Variants in STX11 observed in about 807,000 individuals in gnomAD.
STX11 encodes the protein syntaxin 11.
Under a neutral mutation model 19.9 loss-of-function variants are expected in STX11, and 21 were observed. The observed-to-expected ratio is 1.06, with a 90% CI of 0.75 to 1.52. The LOEUF is 1.52. Ranked by LOEUF, STX11 falls within the 40% of genes most tolerant of loss-of-function variation. STX11 has a pLI of 0.00. For synonymous variants in STX11, 193 were observed against 174.4 expected (o/e 1.11, Z -0.84); for missense variants, 438 against 405.9 (o/e 1.08, Z -0.68).
At chr6:144,148,429 C>T (rs1800918433), upstream of STX11, among the ~76,000 whole-genome samples, 1 of 152,150 alleles carries the variant, frequency 6.6e-6, no homozygotes, top group South Asian at 2.1e-4. Context: ...TATAACATAC[C>T]TCATCCCTCT....
chr6:144,186,706 G>A lies in STX11; in HGVS notation c.79G>A (p.Asp27Asn), dbSNP rs1429076423. 6.2e-7 allele frequency: 1 copy of A among 1,614,078 alleles called. No individual in the cohort carries two copies. Among genetic ancestry groups the A allele is most frequent in the Non-Finnish European group, 8.5e-7 (1 of 1,180,050 alleles). Residue 27 changes from aspartate to asparagine, a missense_variant, in exon 2 of 2, where the codon GAC becomes AAC. Coordinates refer to ENST00000367568, the MANE Select transcript of STX11 (RefSeq NM_003764.4). ...GTTCCCAGACGGGGACGATGAGTTT[G>A]ACTCGCCCCACGAGGACATCGTGTT... The part of the protein sequence containing the change: ...QQFPDGDDEF[D>N]SPHEDIVFET...
Position 144,152,615 on chromosome 6 carries a change from CTAAT to C in STX11, c.-6+1917_-6+1920del, listed in dbSNP as rs1015305020. Reference sequence around the variant, plus strand: ...GCATGACTTTTAGGAAATGGTGTGACTAATTAATAGGTTGTTTTGTTTTGTTTTG... The same window carrying C: ...GCATGACTTTTAGGAAATGGTGTGACTAATAGGTTGTTTTGTTTTGTTTTG... On this transcript the variant is annotated intron_variant, in intron 1 of 1. Transcript: ENST00000367568. The surrounding 1 kb of genome is among the most constrained non-coding windows in gnomAD (Gnocchi z 4.9). Among the ~76,000 whole-genome samples the C allele has an allele frequency of 2.0e-5, 3 of 152,152 alleles. No homozygotes were observed. The highest frequency in any genetic ancestry group is 2.0e-4 in the Admixed American group (3 of 15,276).
In STX11 at chr6:144,191,618, C is replaced by T. The variant is rs1802209457; in HGVS notation, c.*4127C>T. Among the ~76,000 whole-genome samples the T allele has an allele frequency of 6.6e-6, 1 of 151,974 alleles. No individual in the cohort carries two copies. The highest frequency in any genetic ancestry group is 6.6e-5 in the Admixed American group (1 of 15,262). ...TATTTTACCATCAGACATATTTCTA[C>T]TCCTTTCTTTGAAGTATGCGAAGTA... On this transcript the variant is annotated 3_prime_UTR_variant, in exon 2 of 2. Coordinates refer to ENST00000367568, the MANE Select transcript of STX11 (RefSeq NM_003764.4).
the STX11 span, chr6:144,140,643 G>C: frequency 1.8e-6 from 1 of 553,922 alleles, no homozygotes; most frequent in Non-Finnish European, 2.3e-6. Context: ...TTGCTAGCAG[G>C]CTGTGGTCTG....
In STX11 at chr6:144,159,443, A is replaced by T. The variant is rs944679657; in HGVS notation, c.-6+8740A>T. ...AGTTATATCAAAATAGAAGTTACGG[A>T]TTTGGCTTTGGTTACAAGAGACTAC... On this transcript the variant is annotated intron_variant, in intron 1 of 1. Transcript: ENST00000367568. This position sits in a 1 kb window ranked among gnomAD's most constrained non-coding sequence, Gnocchi z 4.3. Among the ~76,000 whole-genome samples the T allele has an allele frequency of 6.6e-6, 1 of 152,116 alleles. No individual in the cohort carries two copies. The highest frequency in any genetic ancestry group is 1.5e-5 in the Non-Finnish European group (1 of 68,008).
intron 1 of STX11, among the ~76,000 whole-genome samples, chr6:144,157,172 G>A (rs1801192573): frequency 6.6e-6 from 1 of 152,224 alleles, no homozygotes; most frequent in South Asian, 2.1e-4. Context: ...TACACAGTAG[G>A]AGAGAGGGAA....
rs986064380 is a variant in STX11, at chr6:144,172,804, A to G, written c.-5-13819A>G. On this transcript the variant is annotated intron_variant, in intron 1 of 1. Transcript: ENST00000367568. This position sits in a 1 kb window ranked among gnomAD's most constrained non-coding sequence, Gnocchi z 4.2. ...TGCTGATCCTCTTGATCCCAAGACA[A>G]TGAACAGGCTGTCTTTCCCATACAC... Among the ~76,000 whole-genome samples the G allele has an allele frequency of 3.9e-5, 6 of 152,096 alleles. No homozygotes were observed. Among genetic ancestry groups the G allele is most frequent in the Non-Finnish European group, 8.8e-5 (6 of 68,018 alleles).
intron 1 of STX11, among the ~76,000 whole-genome samples, chr6:144,185,762 TGAGAA>T (rs1172767339): frequency 6.6e-6 from 1 of 152,232 alleles, no homozygotes; most frequent in Non-Finnish European, 1.5e-5. Context: ...GGAATGATAT[TGAGAA>T]GAGGAGTAAG....
rs1801570854 is a variant in STX11, at chr6:144,169,525, A to C, written c.-5-17098A>C. On this transcript the variant is annotated intron_variant, in intron 1 of 1. Transcript: ENST00000367568. The surrounding 1 kb of genome is among the most constrained non-coding windows in gnomAD (Gnocchi z 5.2). ...GCATGTTTATGGCCAGCATACCATTAAATGGCATGTGTTCAGTGTAAGGCT... is the reference window on the plus strand; with the variant it reads ...GCATGTTTATGGCCAGCATACCATTCAATGGCATGTGTTCAGTGTAAGGCT... Among the ~76,000 whole-genome samples the C allele has an allele frequency of 6.6e-6, 1 of 152,162 alleles. No individual in the cohort carries two copies. The highest frequency in any genetic ancestry group is 2.1e-4 in the South Asian group (1 of 4,828).
chr6:144,156,353 T>C (rs974765452), intron 1 of STX11, among the ~76,000 whole-genome samples: 4 of 152,266 alleles, frequency 2.6e-5, no homozygotes, highest in Admixed American at 6.5e-5. Flanking sequence ...CGTGAGCCAC[T>C]GCACCTGGCC....
chr6:144,189,415 G>T lies in STX11; in HGVS notation c.*1924G>T, dbSNP rs187021380. On this transcript the variant is annotated 3_prime_UTR_variant, in exon 2 of 2. Transcript: ENST00000367568. ...GAAAAACTCAAAAGAATTCCCATGA[G>T]GGTGTCTTGCTTTCTCTCCTGAGTT... Among the ~76,000 whole-genome samples, 24 of 152,336 alleles carry T rather than the reference G, an allele frequency of 1.6e-4. No individual in the cohort carries two copies. The highest frequency in any genetic ancestry group is 5.8e-4 in the African/African-American group (24 of 41,578).
intron 1 of STX11, among the ~76,000 whole-genome samples, chr6:144,156,995 C>T (rs1225940039): frequency 1.3e-5 from 2 of 152,146 alleles, no homozygotes; most frequent in Non-Finnish European, 2.9e-5. Context: ...TAAGTGACCA[C>T]CCAAGATTGC....
chr6:144,173,160 C>A (rs1801686276), intron 1 of STX11, among the ~76,000 whole-genome samples: 1 of 152,208 alleles, frequency 6.6e-6, no homozygotes, highest in Non-Finnish European at 1.5e-5. Flanking sequence ...AAGTTGGGGA[C>A]CCAGAGGCCT....
At chr6:144,156,008 TTC>T (rs1278912152) in intron 1 of STX11, among the ~76,000 whole-genome samples, 1 of 94,776 alleles carries the variant, frequency 1.1e-5, no homozygotes, top group African/African-American at 5.5e-5. Flanking sequence ...CTTTCTTTCT[TTC>T]TTTCTCTCTT....
intron 1 of STX11, among the ~76,000 whole-genome samples, chr6:144,181,592 C>CAAAAAA (rs145945304): frequency 3.0e-5 from 2 of 65,798 alleles, no homozygotes; most frequent in Non-Finnish European, 2.9e-5. Context: ...AAGACCACCT[C>CAAAAAA]AAAAAAAAAA....
chr6:144,166,618 C>G (rs1470523213), intron 1 of STX11, among the ~76,000 whole-genome samples: 1 of 151,376 alleles, frequency 6.6e-6, no homozygotes, highest in Admixed American at 6.6e-5. Context: ...CTCTGCCTCC[C>G]AGGTTCAAGC....
the STX11 span, among the ~76,000 whole-genome samples, chr6:144,141,587 A>G: frequency 2.6e-5 from 4 of 152,118 alleles, no homozygotes; most frequent in African/African-American, 9.7e-5. Flanking sequence ...TTAAGTTCAT[A>G]TTGCCCTTTT....
Position 144,159,046 on chromosome 6 carries a change from A to G in STX11, c.-6+8343A>G, listed in dbSNP as rs145983443. 0.027 allele frequency among the ~76,000 whole-genome samples: 4,168 copies of G among 152,256 alleles called. 72 individuals are homozygous for G. The highest frequency in any genetic ancestry group is 0.055 in the Middle Eastern group (16 of 292). ...CATAGATCCCTCTATTATGGCATTT[A>G]TTATCATTATTCTCTCTAACAGCCT... On this transcript the variant is annotated intron_variant, in intron 1 of 1. Transcript: ENST00000367568. This position sits in a 1 kb window ranked among gnomAD's most constrained non-coding sequence, Gnocchi z 4.3.
upstream of STX11, among the ~76,000 whole-genome samples, chr6:144,145,683 G>A (rs1800860500): frequency 6.6e-6 from 1 of 152,174 alleles, no homozygotes; most frequent in Non-Finnish European, 1.5e-5. Context: ...ACACTTATAT[G>A]TGGAATCTAA....
Sources: allele counts gnomAD v4.1 joint callset (sites outside exome capture counted in the v4.1 genomes callset), GRCh38; gene constraint gnomAD v4.1.1; non-coding constraint Gnocchi (gnomAD v3.1); transcripts MANE v1.5; gene names NCBI Gene and HGNC (gene_info 2026-07-23, HGNC 2026-07-21).